TCF7L1: variants seen among roughly 807,000 people sequenced by gnomAD.
TCF7L1 encodes transcription factor 7-like 1.
TCF7L1 carries 18 observed loss-of-function variants against 63.7 expected under a neutral mutation model. That is an observed-to-expected ratio of 0.28 (90% CI 0.20 to 0.42). The LOEUF is 0.42. TCF7L1 is among the 10% of genes least tolerant of loss of function. The pLI is 1.00. For synonymous variants in TCF7L1, 355 were observed against 340.9 expected (o/e 1.04, Z -0.46); for missense variants, 654 against 779.3 (o/e 0.84, Z 1.91).
At chr2:85,277,108 G>A (rs1270868505) in intron 3 of TCF7L1, among the ~76,000 whole-genome samples, 1 of 151,946 alleles carries the variant, frequency 6.6e-6, no homozygotes, top group Non-Finnish European at 1.5e-5. Flanking sequence ...GGGTGGTGTG[G>A]GATTGCTGGT....
intron 11 of TCF7L1, among the ~76,000 whole-genome samples, chr2:85,308,197 T>C (rs72936603): frequency 0.039 from 5,908 of 152,164 alleles, 391 homozygotes; most frequent in African/African-American, 0.13. Flanking sequence ...AAAATCTCTA[T>C]ATTACCAGAA....
chr2:85,212,907 C>T (rs771534622), intron 3 of TCF7L1, among the ~76,000 whole-genome samples: 6 of 152,020 alleles, frequency 3.9e-5, no homozygotes, highest in Non-Finnish European at 7.4e-5. Flanking sequence ...TGTGTCATTA[C>T]GGGATTGGGA....
rs116360749 is a variant in TCF7L1, at chr2:85,280,991, G to A, written c.442-2504G>A. Among the ~76,000 whole-genome samples, 915 of 149,412 alleles carry A rather than the reference G, an allele frequency of 6.1e-3. 12 individuals carry two copies. The highest frequency in any genetic ancestry group is 0.021 in the African/African-American group (847 of 40,534). Reference sequence around the variant, plus strand: ...CTGTCTTGTATGAAGTTGGGGAAGCGTTTAGCCTTTGTTTATGTCCATTAG... The same window carrying A: ...CTGTCTTGTATGAAGTTGGGGAAGCATTTAGCCTTTGTTTATGTCCATTAG... On this transcript the variant is annotated intron_variant, in intron 3 of 11. Transcript: ENST00000282111.
chr2:85,306,514 G>C lies in TCF7L1; in HGVS notation c.1212G>C (p.Gln404His), dbSNP rs150026668. The change falls in exon 10 of 12, where the codon CAG (glutamine) becomes CAC (histidine). Residue 404 changes from glutamine to histidine, a missense_variant. Physicochemically the swap from Gln to His is conservative, Grantham distance 24. Around this residue, in one of 3 missense-constraint regions of TCF7L1, gnomAD observed 66 missense variants for 120.5 expected, o/e 0.55. Coordinates refer to ENST00000282111, the MANE Select transcript of TCF7L1 (RefSeq NM_031283.3). This position sits in a 1 kb window ranked among gnomAD's most constrained non-coding sequence, Gnocchi z 4.3. ...ACGAGCTGGCCCGGAAGGAGCGGCA[G>C]CTTCACTCGCAGCTCTACCCAACCT... ...KYYELARKERQLHSQLYPTWS... is the reference protein window; with the variant it reads ...KYYELARKERHLHSQLYPTWS... 430 of 1,614,186 alleles carry C rather than the reference G, an allele frequency of 2.7e-4. 3 individuals are homozygous for C. In the African/African-American group the frequency reaches 5.3e-3, roughly 20 times the overall value.
At chr2:85,267,036 T>G (rs993609723) in intron 3 of TCF7L1, among the ~76,000 whole-genome samples, 1 of 152,142 alleles carries the variant, frequency 6.6e-6, no homozygotes, top group Non-Finnish European at 1.5e-5. Context: ...ACTAGCATAA[T>G]GAAAGGATTG....
At chr2:85,217,614 T>G (rs1167013503) in intron 3 of TCF7L1, among the ~76,000 whole-genome samples, 1 of 152,208 alleles carries the variant, frequency 6.6e-6, no homozygotes, top group Non-Finnish European at 1.5e-5. Context: ...CAGAGTTTAC[T>G]GACATCCTAC....
At chr2:85,184,744 G>C (rs1262820503) in intron 3 of TCF7L1, among the ~76,000 whole-genome samples, 6 of 151,868 alleles carry the variant, frequency 4.0e-5, no homozygotes, top group Non-Finnish European at 8.8e-5. Flanking sequence ...TGGCCCTGCT[G>C]ATGTTCCCTG....
rs558083554 is a variant in TCF7L1 at position 85,234,772 on chromosome 2, T to G, written c.442-48723T>G. Among the ~76,000 whole-genome samples the G allele has an allele frequency of 3.9e-5, 6 of 152,306 alleles. No homozygotes were observed. In the East Asian group the frequency reaches 9.7e-4, roughly 25 times the overall value. On this transcript the variant is annotated intron_variant, in intron 3 of 11. Coordinates refer to ENST00000282111, the MANE Select transcript of TCF7L1 (RefSeq NM_031283.3). The stretch of plus-strand genomic sequence containing the variant: ...AGGTCCAGGAAACTCAGAATAGGGC[T>G]TTGTCGTCTCATGGACACATGGGAA...
At chr2:85,147,298 C>T (rs1486519848) in intron 3 of TCF7L1, among the ~76,000 whole-genome samples, 2 of 152,062 alleles carry the variant, frequency 1.3e-5, no homozygotes, top group African/African-American at 2.4e-5. Context: ...GTGGGGGGTC[C>T]GGGTAGCAAA....
chr2:85,223,534 G>A (rs544233205), intron 3 of TCF7L1, among the ~76,000 whole-genome samples: 29 of 152,146 alleles, frequency 1.9e-4, no homozygotes, highest in Non-Finnish European at 3.1e-4. Context: ...AGCTGCTGGA[G>A]GTGGATGTAT....
intron 3 of TCF7L1, among the ~76,000 whole-genome samples, chr2:85,269,490 T>G (rs1213011254): frequency 2.0e-5 from 3 of 152,248 alleles, no homozygotes; most frequent in Non-Finnish European, 4.4e-5. Context: ...CATTTTTGTT[T>G]TGTTGTGTTT....
intron 3 of TCF7L1, among the ~76,000 whole-genome samples, chr2:85,272,787 C>A (rs1423510841): frequency 6.6e-6 from 1 of 151,970 alleles, no homozygotes; most frequent in Admixed American, 6.6e-5. Context: ...AGGGCAAGAC[C>A]CTATCAATCA....
At chr2:85,282,771 G>A (rs569381950) in intron 3 of TCF7L1, among the ~76,000 whole-genome samples, 1 of 147,900 alleles carries the variant, frequency 6.8e-6, no homozygotes, top group South Asian at 2.1e-4. Flanking sequence ...CAAGGACTGT[G>A]CCATGCCAGA....
intron 3 of TCF7L1, among the ~76,000 whole-genome samples, chr2:85,218,648 G>GGC (rs746536633): frequency 1.3e-5 from 2 of 150,434 alleles, no homozygotes; most frequent in African/African-American, 4.9e-5. Context: ...ATGGGGGGGG[G>GGC]AAAACTGGTG....
At chr2:85,189,385 A>G (rs1213064427) in intron 3 of TCF7L1, among the ~76,000 whole-genome samples, 1 of 152,236 alleles carries the variant, frequency 6.6e-6, no homozygotes, top group East Asian at 1.9e-4. Flanking sequence ...CTGCTTACAG[A>G]TGTACATGAT....
intron 3 of TCF7L1, among the ~76,000 whole-genome samples, chr2:85,260,675 C>T (rs1680838973): frequency 6.6e-6 from 1 of 151,122 alleles, no homozygotes; most frequent in South Asian, 2.1e-4. Context: ...AGACCTTGTA[C>T]GTGAGGCCTG....
intron 3 of TCF7L1, among the ~76,000 whole-genome samples, chr2:85,154,722 TG>T (rs1455967141): frequency 6.6e-6 from 1 of 152,116 alleles, no homozygotes; most frequent in Non-Finnish European, 1.5e-5. Context: ...AGGCAGGCAG[TG>T]GATTTGTTTT....
intron 3 of TCF7L1, among the ~76,000 whole-genome samples, chr2:85,138,133 A>G (rs1209934387): frequency 2.0e-5 from 3 of 152,160 alleles, no homozygotes; most frequent in Non-Finnish European, 4.4e-5. Context: ...TGTCCATCTT[A>G]TAAATTACAG....
chr2:85,179,808 C>T (rs1412798745), intron 3 of TCF7L1, among the ~76,000 whole-genome samples: 1 of 151,976 alleles, frequency 6.6e-6, no homozygotes, highest in East Asian at 1.9e-4. Flanking sequence ...ACGGCAAGTG[C>T]ATAAAAAAGA....
Sources: gnomAD v4.1 joint callset for allele counts (sites outside exome capture counted in the v4.1 genomes callset) on GRCh38, gnomAD v4.1.1 for gene constraint, gnomAD v4.1.1 regional missense constraint, Gnocchi (gnomAD v3.1) non-coding constraint, MANE v1.5 for transcripts, NCBI Gene and HGNC (gene_info 2026-07-23, HGNC 2026-07-21) for gene names.